Variants in SAMD3 observed in about 807,000 individuals in gnomAD.
SAMD3 encodes the protein sterile alpha motif domain containing 3.
SAMD3 carries 63 observed loss-of-function variants against 58.5 expected under a neutral mutation model. That is an observed-to-expected ratio of 1.08 (90% CI 0.88 to 1.33). The LOEUF is 1.33. SAMD3 is among the 40% of genes most tolerant of loss of function. SAMD3 has a pLI of 0.00. For missense variants in SAMD3, 604 were observed against 608.4 expected (o/e 0.99, Z 0.08); for synonymous variants, 220 against 210.3 (o/e 1.05, Z -0.40).
At chr6:130,293,145 T>C (rs1583060782) in intron 2 of SAMD3, among the ~76,000 whole-genome samples, 1 of 152,250 alleles carries the variant, frequency 6.6e-6, no homozygotes, top group East Asian at 1.9e-4. Context: ...CAGTTGCATC[T>C]ATACTAGAGA....
chr6:130,224,573 T>C (rs1712501741), upstream of SAMD3, among the ~76,000 whole-genome samples: 1 of 150,778 alleles, frequency 6.6e-6, no homozygotes, highest in South Asian at 2.1e-4. Flanking sequence ...CTTTTGTTTA[T>C]GCAAAAGCAC....
At chr6:130,275,322 A>G in intron 2 of SAMD3, among the ~76,000 whole-genome samples, 1 of 152,148 alleles carries the variant, frequency 6.6e-6, no homozygotes, top group East Asian at 1.9e-4. Context: ...AATTTTATTG[A>G]CATAATGATA....
At chr6:130,365,473 G>T (rs1778111960), upstream of SAMD3, 1 of 985,422 alleles carries the variant, frequency 1.0e-6, no homozygotes. Context: ...AGCCCGCCAG[G>T]GGGACCCCGG....
intron 2 of SAMD3, among the ~76,000 whole-genome samples, chr6:130,295,064 C>T (rs1003782958): frequency 6.6e-6 from 1 of 151,856 alleles, no homozygotes; most frequent in Non-Finnish European, 1.5e-5. Flanking sequence ...GCTGGGATTA[C>T]AGGCATGCAC....
chr6:130,290,124 A>G (rs1775315566), intron 2 of SAMD3, among the ~76,000 whole-genome samples: 1 of 152,042 alleles, frequency 6.6e-6, no homozygotes, highest in Non-Finnish European at 1.5e-5. Context: ...TACATGTATT[A>G]GTCAGGGTTC....
At chr6:130,248,643 AG>A (rs1773638103) in intron 2 of SAMD3, among the ~76,000 whole-genome samples, 1 of 152,174 alleles carries the variant, frequency 6.6e-6, no homozygotes, top group South Asian at 2.1e-4. Flanking sequence ...GAAAGAAAAA[AG>A]CAAGGAAGAC....
rs373423971 is a variant in SAMD3, at chr6:130,184,194, A to G, written c.570-7T>C. The G allele has an allele frequency of 2.6e-5, 42 of 1,600,084 alleles. No individual in the cohort carries two copies. The African/African-American group carries it at 5.2e-4, about 20-fold the overall frequency. Reference sequence around the variant, plus strand: ...CTGCTGGGTGCTGGGGTACCTGTTCACCAAAACAAGGAGGATATGTTTCAC... The same window carrying G: ...CTGCTGGGTGCTGGGGTACCTGTTCGCCAAAACAAGGAGGATATGTTTCAC... On this transcript the variant is annotated splice_polypyrimidine_tract_variant and splice_region_variant and intron_variant, in intron 6 of 11. Coordinates refer to ENST00000439090, the MANE Select transcript of SAMD3 (RefSeq NM_001017373.4).
chr6:130,237,888 G>C (rs1773221236), intron 2 of SAMD3, among the ~76,000 whole-genome samples: 1 of 152,072 alleles, frequency 6.6e-6, no homozygotes, highest in African/African-American at 2.4e-5. Flanking sequence ...CGCAAATGTA[G>C]GGTGTTTAAA....
chr6:130,347,465 G>A (rs1036864970), intron 1 of SAMD3, among the ~76,000 whole-genome samples: 4 of 152,192 alleles, frequency 2.6e-5, no homozygotes, highest in African/African-American at 9.6e-5. Context: ...TCAACTGGAA[G>A]AAAGGGTGTC....
intron 5 of SAMD3, among the ~76,000 whole-genome samples, chr6:130,190,043 G>A (rs1482856207): frequency 6.6e-6 from 1 of 152,176 alleles, no homozygotes; most frequent in Non-Finnish European, 1.5e-5. Flanking sequence ...GAAAACCCCA[G>A]AAAAGAATGA....
exon 1 of SAMD3, chr6:130,365,401 G>C (rs159877): frequency 1.3e-4 from 131 of 985,362 alleles, no homozygotes; most frequent in Admixed American, 5.5e-4. Flanking sequence ...AAGCGTGGAC[G>C]GAGCGGGCCT....
intron 2 of SAMD3, among the ~76,000 whole-genome samples, chr6:130,289,576 T>C (rs1583056171): frequency 6.6e-6 from 1 of 152,184 alleles, no homozygotes; most frequent in East Asian, 1.9e-4. Flanking sequence ...CTCGGCTCAC[T>C]GCAACCTCCA....
chr6:130,308,488 G>T (rs1776026580), intron 2 of SAMD3, among the ~76,000 whole-genome samples: 1 of 150,290 alleles, frequency 6.7e-6, no homozygotes, highest in South Asian at 2.1e-4. Context: ...CTCATCTGTA[G>T]GCCAACCTAG....
At chr6:130,179,397 C>T (rs544324421) in intron 7 of SAMD3, among the ~76,000 whole-genome samples, 2 of 152,196 alleles carry the variant, frequency 1.3e-5, no homozygotes, top group East Asian at 3.9e-4. Flanking sequence ...TACATGAAGA[C>T]AGCTCTCCGT....
At chr6:130,231,314 A>T (rs921316569) in intron 2 of SAMD3, among the ~76,000 whole-genome samples, 9 of 152,188 alleles carry the variant, frequency 5.9e-5, no homozygotes, top group African/African-American at 2.2e-4. Context: ...CTGTAATCCT[A>T]GCTCTTTGGG....
intron 5 of SAMD3, among the ~76,000 whole-genome samples, chr6:130,200,982 G>T (rs1169763301): frequency 6.6e-6 from 1 of 152,124 alleles, no homozygotes; most frequent in Non-Finnish European, 1.5e-5. Context: ...AGCATCACTA[G>T]TTATACAAGC....
In SAMD3 at chr6:130,170,710, C is replaced by T. The variant is rs113659269; in HGVS notation, c.822+5131G>A. Among the ~76,000 whole-genome samples, 134 of 152,104 alleles carry T rather than the reference C, an allele frequency of 8.8e-4. 1 individual carries two copies. Among genetic ancestry groups the T allele is most frequent in the African/African-American group, 2.8e-3 (116 of 41,500 alleles). On this transcript the variant is annotated intron_variant, in intron 8 of 11. Coordinates refer to ENST00000439090, the MANE Select transcript of SAMD3 (RefSeq NM_001017373.4). ...GGTATTTTATTCTCTTTGTAGCAGTCGCAAATGGGAGTTCACTCATGATTT... is the reference window on the plus strand; with the variant it reads ...GGTATTTTATTCTCTTTGTAGCAGTTGCAAATGGGAGTTCACTCATGATTT...
intron 1 of SAMD3, among the ~76,000 whole-genome samples, chr6:130,363,211 A>G (rs1778036397): frequency 6.6e-6 from 1 of 152,212 alleles, no homozygotes; most frequent in African/African-American, 2.4e-5. Context: ...TTTTCTGTTT[A>G]AGGATCCCTT....
rs542658724 is a variant in SAMD3, at chr6:130,174,028, C to G, written c.822+1813G>C. Among the ~76,000 whole-genome samples, 20 of 152,344 alleles carry G rather than the reference C, an allele frequency of 1.3e-4. No homozygotes were observed. The South Asian group carries it at 1.4e-3, about 11-fold the overall frequency. On this transcript the variant is annotated intron_variant, in intron 8 of 11. Transcript: ENST00000439090. ...CAGTAATGGCGGACAGCCCTCCCCC[C>G]ACCAAGCTCGATCATCCCAGGTCAA...
Sources: gnomAD v4.1 joint callset for allele counts (sites outside exome capture counted in the v4.1 genomes callset) on GRCh38, gnomAD v4.1.1 for gene constraint, MANE v1.5 for transcripts, NCBI Gene and HGNC (gene_info 2026-07-23, HGNC 2026-07-21) for gene names.